POLR3B: variants seen among roughly 807,000 people sequenced by gnomAD.
POLR3B encodes DNA-directed RNA polymerase III subunit RPC2.
POLR3B carries 96 observed loss-of-function variants against 147.4 expected under a neutral mutation model. The ratio of observed to expected loss-of-function variants is 0.65; its 90% CI spans 0.55 to 0.77. POLR3B has a LOEUF of 0.77. POLR3B is among the 30% of genes least tolerant of loss of function. The pLI, the probability that POLR3B is intolerant of heterozygous loss-of-function variation, is 0.00. For synonymous variants in POLR3B, 461 were observed against 485.9 expected (o/e 0.95, Z 0.67); for missense variants, 1,036 against 1,413.5 (o/e 0.73, Z 4.28).
intron 12 of POLR3B, among the ~76,000 whole-genome samples, chr12:106,423,637 C>T (rs2037399304): frequency 1.3e-5 from 2 of 152,106 alleles, no homozygotes; most frequent in African/African-American, 4.8e-5. Context: ...TGCCTTTCTT[C>T]TGATTTTTTG....
In POLR3B at chr12:106,496,797, G is replaced by T. The variant is rs1462153639; in HGVS notation, c.2863G>T (p.Asp955Tyr). The change falls in exon 25 of 28, where the codon GAC becomes TAC. Residue 955 changes from aspartate (D) to tyrosine (Y), a missense_variant. By Grantham distance (160) the Asp-to-Tyr change is radical. This residue lies in a region of POLR3B where 88 missense variants were observed against 87.5 expected (regional missense o/e 1.01). Coordinates refer to ENST00000228347, the MANE Select transcript of POLR3B (RefSeq NM_018082.6). The part of the protein sequence containing the change: ...ELLAGKAGVL[D>Y]GRFHYGTAFG... Reference sequence around the variant, plus strand: ...GCTGGCTGGCAAGGCCGGTGTGCTGGACGGCAGATTCCACTACGGCACTGC... The same window carrying T: ...GCTGGCTGGCAAGGCCGGTGTGCTGTACGGCAGATTCCACTACGGCACTGC... 6 of 1,614,192 alleles carry T rather than the reference G, an allele frequency of 3.7e-6. No homozygotes were observed. The highest frequency in any genetic ancestry group is 5.1e-6 in the Non-Finnish European group (6 of 1,180,032).
chr12:106,469,040 GT>G (rs992810375), intron 23 of POLR3B, among the ~76,000 whole-genome samples: 3 of 152,100 alleles, frequency 2.0e-5, no homozygotes, highest in African/African-American at 7.2e-5. Context: ...TGACAGTGGG[GT>G]GTTAAAGTCT....
chr12:106,393,210 T>G, intron 10 of POLR3B, 57 bp downstream of exon 10: 1 of 1,608,060 alleles, frequency 6.2e-7, no homozygotes. Flanking sequence ...TTAATGCTGC[T>G]CATTGATAAA....
intron 4 of POLR3B, among the ~76,000 whole-genome samples, chr12:106,368,087 C>G (rs2036556628): frequency 6.6e-6 from 1 of 151,902 alleles, no homozygotes; most frequent in Admixed American, 6.6e-5. Flanking sequence ...TGTCATTTTT[C>G]TGTTGTTCAG....
At chr12:106,443,435 T>C (rs1258405504) in intron 18 of POLR3B, among the ~76,000 whole-genome samples, 1 of 152,224 alleles carries the variant, frequency 6.6e-6, no homozygotes, top group Non-Finnish European at 1.5e-5. Context: ...TCAGTCACAC[T>C]AGCCCGGCAT....
In POLR3B at chr12:106,510,044, C is replaced by T. The variant is rs2038750890; in HGVS notation, c.*495C>T. On this transcript the variant is annotated 3_prime_UTR_variant, in exon 28 of 28. Transcript: ENST00000228347. Reference sequence around the variant, plus strand: ...AACAATTAAATCTTGCCTTTACACACCCAAACTTTGTAATTTTAGTCTTGG... The same window carrying T: ...AACAATTAAATCTTGCCTTTACACATCCAAACTTTGTAATTTTAGTCTTGG... The T allele has an allele frequency of 1.2e-5, 2 of 170,396 alleles. No homozygotes were observed. Among genetic ancestry groups the T allele is most frequent in the Admixed American group, 1.1e-4 (2 of 17,886 alleles). The allele number at this position is 170,396 out of a possible 1,614,324, so 10.6% of individuals were successfully genotyped here. A position where few individuals can be genotyped will look rare whatever the true frequency, so the allele number is the denominator to read the frequency against.
chr12:106,480,538 A>G (rs970999307), intron 23 of POLR3B, among the ~76,000 whole-genome samples: 2 of 152,080 alleles, frequency 1.3e-5, no homozygotes, highest in African/African-American at 4.8e-5. Context: ...ATTCCTCTGT[A>G]TCAGGCTTTT....
intron 13 of POLR3B, 141 bp from the exon 14 acceptor site, chr12:106,430,132 C>A: frequency 1.3e-6 from 1 of 746,992 alleles, no homozygotes; most frequent in Non-Finnish European, 2.4e-6. Flanking sequence ...TTAATTGTGA[C>A]ACTTTGATTT....
chr12:106,464,564 C>G (rs561046351), intron 23 of POLR3B, among the ~76,000 whole-genome samples: 115 of 152,322 alleles, frequency 7.5e-4, no homozygotes, highest in Middle Eastern at 3.4e-3. Flanking sequence ...CTAGGCCACA[C>G]TGACTGTTAA....
At chr12:106,368,893 CGT>C (rs1491537181) in intron 4 of POLR3B, among the ~76,000 whole-genome samples, 7 of 14,790 alleles carry the variant, frequency 4.7e-4, no homozygotes, top group African/African-American at 2.7e-3. Flanking sequence ...CACAAATGAG[CGT>C]TTTTTTTTTG....
At chr12:106,414,221 T>TAAAAAAAA (rs5800711) in intron 12 of POLR3B, among the ~76,000 whole-genome samples, 1 of 121,102 alleles carries the variant, frequency 8.3e-6, no homozygotes, top group Non-Finnish European at 1.6e-5. Context: ...GATACAAAAG[T>TAAAAAAAA]AAAAAAAAAA....
At chr12:106,507,665 G>A (rs1166969408) in intron 27 of POLR3B, 1 of 425,524 alleles carries the variant, frequency 2.4e-6, no homozygotes, top group Non-Finnish European at 4.7e-6. Context: ...TCAAATACAG[G>A]TTAAGCACCC....
intron 2 of POLR3B, among the ~76,000 whole-genome samples, chr12:106,366,137 C>T (rs747086605): frequency 6.6e-6 from 1 of 152,064 alleles, no homozygotes; most frequent in Non-Finnish European, 1.5e-5. Flanking sequence ...AGTCATTAGG[C>T]GATAGGAATT....
chr12:106,503,408 A>C (rs2038633667), intron 26 of POLR3B, among the ~76,000 whole-genome samples: 1 of 152,194 alleles, frequency 6.6e-6, no homozygotes, highest in African/African-American at 2.4e-5. Flanking sequence ...CTCAAAGATT[A>C]CCTTTAAGAA....
intron 16 of POLR3B, among the ~76,000 whole-genome samples, 163 bp downstream of exon 16, chr12:106,434,035 C>G (rs558678554): frequency 6.6e-6 from 1 of 152,062 alleles, no homozygotes; most frequent in South Asian, 2.1e-4. Context: ...TATTAGGTAC[C>G]GAGGATTCAG....
At chr12:106,463,241 T>C (rs1332500699) in intron 22 of POLR3B, among the ~76,000 whole-genome samples, 2 of 152,188 alleles carry the variant, frequency 1.3e-5, no homozygotes, top group Non-Finnish European at 2.9e-5. Context: ...AATAACAGTA[T>C]GGACTGTTGT....
chr12:106,442,119 A>G (rs2037660718), intron 18 of POLR3B, among the ~76,000 whole-genome samples: 1 of 151,566 alleles, frequency 6.6e-6, no homozygotes, highest in African/African-American at 2.4e-5. Context: ...GAAATCTCCC[A>G]ATTCCTGTTC....
rs61559720 is a variant in POLR3B, at chr12:106,482,421, G to A, written c.2714-13634G>A. Among the ~76,000 whole-genome samples the A allele has an allele frequency of 1.8e-3, 277 of 152,282 alleles. 1 individual carries two copies. Among genetic ancestry groups the A allele is most frequent in the African/African-American group, 6.2e-3 (259 of 41,552 alleles). ...CTCTGCAGGCTGTACAGGAAGCATGGCTAGGGAGGCCTCAGGAAAGTTACA... is the reference window on the plus strand; with the variant it reads ...CTCTGCAGGCTGTACAGGAAGCATGACTAGGGAGGCCTCAGGAAAGTTACA... On this transcript the variant is annotated intron_variant, in intron 23 of 27. Coordinates refer to ENST00000228347, the MANE Select transcript of POLR3B (RefSeq NM_018082.6).
intron 12 of POLR3B, among the ~76,000 whole-genome samples, chr12:106,416,782 G>C (rs2037309211): frequency 6.6e-6 from 1 of 152,072 alleles, no homozygotes; most frequent in Admixed American, 6.6e-5. Flanking sequence ...GAGCCTGCAG[G>C]GTCCTTGATG....
Sources: gnomAD v4.1 joint callset for allele counts (sites outside exome capture counted in the v4.1 genomes callset) on GRCh38, gnomAD v4.1.1 for gene constraint, gnomAD v4.1.1 regional missense constraint, MANE v1.5 for transcripts, NCBI Gene and HGNC (gene_info 2026-07-23, HGNC 2026-07-21) for gene names.